SORT1: variants seen among roughly 807,000 people sequenced by gnomAD.
The protein encoded by SORT1 is sortilin 1.
SORT1 carries 39 observed loss-of-function variants against 101.7 expected under a neutral mutation model. That is an observed-to-expected ratio of 0.38 (90% CI 0.30 to 0.50). The LOEUF is 0.50. Ranked by LOEUF, SORT1 falls within the 20% of genes least tolerant of loss-of-function variation. The pLI is 0.90. For synonymous variants in SORT1, 396 were observed against 393.7 expected (o/e 1.01, Z -0.07); for missense variants, 878 against 1,040.4 (o/e 0.84, Z 2.15).
rs17037126 is a variant in SORT1, at chr1:109,357,863, C to T, written c.441-2394G>A. 5.7e-3 allele frequency among the ~76,000 whole-genome samples: 869 copies of T among 152,340 alleles called. 6 individuals carry two copies. The highest frequency in any genetic ancestry group is 0.02 in the African/African-American group (843 of 41,580). On this transcript the variant is annotated intron_variant, in intron 3 of 19. Coordinates refer to ENST00000256637, the MANE Select transcript of SORT1 (RefSeq NM_002959.7). ...TTATATTACCCTTTCTTTGGCTTTGCAGTAGATCAGCTCTTATCTTCCTGA... is the reference window on the plus strand; with the variant it reads ...TTATATTACCCTTTCTTTGGCTTTGTAGTAGATCAGCTCTTATCTTCCTGA...
rs1429302745 is a variant in SORT1 at position 109,313,859 on chromosome 1, G to A, written c.*184C>T. On this transcript the variant is annotated 3_prime_UTR_variant, in exon 20 of 20. Transcript: ENST00000256637. ...TTCTCAGAGCCAATTGTAAAAAAGT[G>A]CTCAGGGTTCCCCACCCCCACCCTG... 1.0e-5 allele frequency: 6 copies of A among 573,958 alleles called. No individual in the cohort carries two copies. The highest frequency in any genetic ancestry group is 1.8e-5 in the Non-Finnish European group (6 of 324,494). The allele number at this position is 573,958 out of a possible 1,614,324, so 35.6% of individuals were successfully genotyped here. A position where few individuals can be genotyped will look rare whatever the true frequency, so the allele number is the denominator to read the frequency against.
rs567011541 is a variant in SORT1 at position 109,351,526 on chromosome 1, G to C, written c.709-524C>G. 2.6e-5 allele frequency among the ~76,000 whole-genome samples: 4 copies of C among 152,314 alleles called. No homozygotes were observed. The South Asian group carries it at 8.3e-4, about 32-fold the overall frequency. On this transcript the variant is annotated intron_variant, in intron 5 of 19. Coordinates refer to ENST00000256637, the MANE Select transcript of SORT1 (RefSeq NM_002959.7). ...AGACTAGTATTAGCAAACGCAAGGA[G>C]GTCATAAACCCTGCAGTGTGTGCAG...
At chr1:109,378,698 TGATATATATATATATA>T (rs1426250274) in intron 1 of SORT1, among the ~76,000 whole-genome samples, 33 of 62,164 alleles carry the variant, frequency 5.3e-4, no homozygotes, top group African/African-American at 1.7e-3. Context: ...GTAGAGTGAA[TGATATATATATATATA>T]TATATATATA....
chr1:109,315,994 A>C (rs995911895), intron 17 of SORT1, among the ~76,000 whole-genome samples: 17 of 151,972 alleles, frequency 1.1e-4, no homozygotes, highest in Admixed American at 7.2e-4. Flanking sequence ...TCATAGCCTC[A>C]ACTGATCTCC....
chr1:109,353,104 T>C (rs1213519350), intron 5 of SORT1, among the ~76,000 whole-genome samples: 5 of 151,922 alleles, frequency 3.3e-5, no homozygotes, highest in Non-Finnish European at 5.9e-5. Flanking sequence ...GGCGGGCAGA[T>C]CACCTGAGGT....
chr1:109,376,068 C>A (rs988015776), intron 1 of SORT1, among the ~76,000 whole-genome samples: 1 of 152,156 alleles, frequency 6.6e-6, no homozygotes, highest in Admixed American at 6.5e-5. Context: ...AAGGGCCGGG[C>A]GTGGTGGCTC....
chr1:109,326,709 GC>G (rs1316673644), intron 13 of SORT1: 1 of 221,820 alleles, frequency 4.5e-6, no homozygotes, highest in Non-Finnish European at 8.7e-6. Context: ...TCCTGCTTTG[GC>G]CTCCCAAAAT....
chr1:109,376,337 A>G (rs1348857113), intron 1 of SORT1, among the ~76,000 whole-genome samples: 1 of 151,234 alleles, frequency 6.6e-6, no homozygotes, highest in East Asian at 1.9e-4. Context: ...TCTCAAAAAA[A>G]AAAAAAAAAA....
At chr1:109,395,050 C>T (rs147130837) in intron 1 of SORT1, among the ~76,000 whole-genome samples, 3 of 151,342 alleles carry the variant, frequency 2.0e-5, no homozygotes, top group African/African-American at 7.3e-5. Flanking sequence ...AACAGAAGAA[C>T]AGGCTACTAC....
At chr1:109,317,712 G>A in intron 16 of SORT1, 141 bp downstream of exon 16, 1 of 637,202 alleles carries the variant, frequency 1.6e-6, no homozygotes. Flanking sequence ...CTTGAAGGAG[G>A]CCTTCATATC....
intron 1 of SORT1, among the ~76,000 whole-genome samples, 156 bp from the exon 2 acceptor site, chr1:109,369,745 AT>A (rs1651369231): frequency 6.6e-6 from 1 of 152,174 alleles, no homozygotes; most frequent in Non-Finnish European, 1.5e-5. Context: ...GAGGGATGGG[AT>A]TTAACTACTT....
chr1:109,359,056 A>G (rs1187207776), intron 3 of SORT1, among the ~76,000 whole-genome samples: 1 of 152,202 alleles, frequency 6.6e-6, no homozygotes, highest in Non-Finnish European at 1.5e-5. Flanking sequence ...GCTGCTATAA[A>G]AGAATATTAT....
chr1:109,318,185 ACT>A (rs1364182906), intron 15 of SORT1, among the ~76,000 whole-genome samples: 2 of 139,960 alleles, frequency 1.4e-5, no homozygotes, highest in African/African-American at 5.4e-5. Flanking sequence ...ATGGAGTCCC[ACT>A]CTCTCGCCTA....
At chr1:109,378,359 A>G (rs1170402223) in intron 1 of SORT1, among the ~76,000 whole-genome samples, 1 of 151,972 alleles carries the variant, frequency 6.6e-6, no homozygotes. Context: ...TAGAAATAGT[A>G]CTCCTGCTTG....
Position 109,397,913 on chromosome 1 carries a change from G to GCCGACA in SORT1, c.-22_-21insTGTCGG. On this transcript the variant is annotated 5_prime_UTR_variant, in exon 1 of 20. Transcript: ENST00000256637. Reference sequence around the variant, plus strand: ...TCCATCGCCGCCGAATGCCGCCGACGCCGACACCTGCCGCCCGGCGCGCCC... The same window carrying GCCGACA: ...TCCATCGCCGCCGAATGCCGCCGACGCCGACACCGACACCTGCCGCCCGGCGCGCCC... The GCCGACA allele has an allele frequency of 8.8e-7, 1 of 1,136,474 alleles. No individual in the cohort carries two copies. The highest frequency in any genetic ancestry group is 1.1e-6 in the Non-Finnish European group (1 of 929,022). 70.4% of individuals were successfully genotyped at this position (1,136,474 alleles called of 1,614,324 possible). A position where few individuals can be genotyped will look rare whatever the true frequency, so the allele number is the denominator to read the frequency against.
chr1:109,372,741 T>C (rs35375862), intron 1 of SORT1, among the ~76,000 whole-genome samples: 26,567 of 151,224 alleles, frequency 0.18, 2,623 homozygotes, highest in East Asian at 0.35. Context: ...CTACTAAAGA[T>C]ACAAAAAATT....
At chr1:109,320,976 C>T (rs1454292616) in intron 15 of SORT1, among the ~76,000 whole-genome samples, 1 of 152,180 alleles carries the variant, frequency 6.6e-6, no homozygotes, top group Non-Finnish European at 1.5e-5. Context: ...ACTTCCCAAA[C>T]ATGTGGGCTC....
intron 1 of SORT1, among the ~76,000 whole-genome samples, chr1:109,379,089 G>GC (rs1480545568): frequency 6.6e-6 from 1 of 151,708 alleles, no homozygotes; most frequent in African/African-American, 2.4e-5. Flanking sequence ...GTTGCAGTGA[G>GC]CCGAGACTGC....
chr1:109,345,725 C>A, intron 8 of SORT1, 26 bp downstream of exon 8: 7 of 1,584,168 alleles, frequency 4.4e-6, no homozygotes, highest in Non-Finnish European at 5.1e-6. Context: ...AATATCAGAC[C>A]CCAAAGGGGA....
Sources: gnomAD v4.1 joint callset for allele counts (sites outside exome capture counted in the v4.1 genomes callset) on GRCh38, gnomAD v4.1.1 for gene constraint, MANE v1.5 for transcripts, NCBI Gene and HGNC (gene_info 2026-07-23, HGNC 2026-07-21) for gene names.